Variants in SGSH observed in about 807,000 individuals in gnomAD.
SGSH encodes the protein heparan sulfate sulfatase.
SGSH carries 48 observed loss-of-function variants against 51.0 expected under a neutral mutation model. The observed-to-expected ratio is 0.94, with a 90% CI of 0.75 to 1.20. SGSH has a LOEUF of 1.20. Among genes scored for constraint, SGSH ranks in the 50% most tolerant of loss-of-function variants. The probability of loss-of-function intolerance (pLI) is 0.00; values close to 1 mark genes in which losing one functional copy is unlikely to be tolerated. For synonymous variants in SGSH, 321 were observed against 313.4 expected (o/e 1.02, Z -0.26); for missense variants, 662 against 717.8 (o/e 0.92, Z 0.89).
chr17:80,208,231 C>T (rs2041458167), downstream of SGSH: 2 of 1,571,208 alleles, frequency 1.3e-6, no homozygotes, highest in East Asian at 4.6e-5. Context: ...CCTGTCTATA[C>T]AGCAGCCTGG....
rs959865954 is a variant in SGSH at position 80,209,750 on chromosome 17, C to T, written c.*702G>A. 21 of 985,536 alleles carry T rather than the reference C, an allele frequency of 2.1e-5. No individual in the cohort carries two copies. The highest frequency in any genetic ancestry group is 1.0e-4 in the African/African-American group (6 of 57,208). The allele number at this position is 985,536 out of a possible 1,614,324, so 61.0% of individuals were successfully genotyped here. On this transcript the variant is annotated 3_prime_UTR_variant, in exon 8 of 8. Coordinates refer to ENST00000326317, the MANE Select transcript of SGSH (RefSeq NM_000199.5). Reference sequence around the variant, plus strand: ...ACGGGCATCGCCATGCCTTCATCTTCGGACACTCTCAAAAAAGATAAGCTT... The same window carrying T: ...ACGGGCATCGCCATGCCTTCATCTTTGGACACTCTCAAAAAAGATAAGCTT...
chr17:80,203,859 A>T, downstream of SGSH: 1 of 1,595,698 alleles, frequency 6.3e-7, no homozygotes, highest in Non-Finnish European at 8.5e-7. The surrounding 1 kb of genome is among the most constrained non-coding windows in gnomAD (Gnocchi z 4.6). Context: ...CCAGGACATG[A>T]CTCAGCAGTG....
chr17:80,217,683 T>G (rs2041943649), intron 1 of SGSH, among the ~76,000 whole-genome samples: 1 of 150,792 alleles, frequency 6.6e-6, no homozygotes, highest in Non-Finnish European at 1.5e-5. Context: ...GCTGGACTGA[T>G]AGATGGTGGG....
At chr17:80,211,202 C>T (rs1363142577) in intron 7 of SGSH, 191 bp from the exon 8 acceptor site, 2 of 1,446,244 alleles carry the variant, frequency 1.4e-6, no homozygotes, top group African/African-American at 1.4e-5. Flanking sequence ...AATGGTATAA[C>T]AAGAGGCCCT....
rs371397297 is a variant in SGSH at position 80,210,764 on chromosome 17, G to A, written c.1197C>T (p.Asp399=). 1.9e-5 allele frequency: 31 copies of A among 1,613,946 alleles called. No homozygotes were observed. Among genetic ancestry groups the A allele is most frequent in the Middle Eastern group, 1.6e-4 (1 of 6,084 alleles). ...AGGTGGGTGAGACGTAGAAGTCCTG[G>A]TCGATGGGAAAGGGCATCTTGAAGT... The part of the protein sequence containing the change: ...NLNFKMPFPI[D]QDFYVSPTFQ... Residue 399 remains aspartate, a synonymous_variant, in exon 8 of 8, where the codon GAC becomes GAT. Transcript: ENST00000326317.
chr17:80,214,943 C>G (rs564208553), intron 3 of SGSH, 90 bp downstream of exon 3: 12 of 1,314,044 alleles, frequency 9.1e-6, no homozygotes, highest in Non-Finnish European at 1.3e-5. Context: ...GGGGGCTGAG[C>G]GTGCCTTGGT....
At chr17:80,214,436 C>A in intron 4 of SGSH, 108 bp from the exon 5 acceptor site, 1 of 1,372,842 alleles carries the variant, frequency 7.3e-7, no homozygotes, top group Non-Finnish European at 9.9e-7. Flanking sequence ...ACCTGTGACC[C>A]TCACTGCCTC....
At chr17:80,205,690 G>T, downstream of SGSH, 1 of 1,513,416 alleles carries the variant, frequency 6.6e-7, no homozygotes, top group South Asian at 1.3e-5. Context: ...GAGCTGTCCT[G>T]GGAAGGGTTT....
intron 2 of SGSH, among the ~76,000 whole-genome samples, chr17:80,216,459 G>A (rs1471543627): frequency 6.6e-6 from 1 of 152,192 alleles, no homozygotes; most frequent in Non-Finnish European, 1.5e-5. Flanking sequence ...TTCTGTTTGG[G>A]TAGATGGAAA....
chr17:80,206,169 G>T (rs1255157569), downstream of SGSH, among the ~76,000 whole-genome samples: 1 of 152,214 alleles, frequency 6.6e-6, no homozygotes, highest in Non-Finnish European at 1.5e-5. Context: ...GCCTCATTTA[G>T]AAAGTGGCAA....
In SGSH at chr17:80,209,801, G is replaced by A; in HGVS notation, c.*651C>T. 1 of 987,210 alleles carries A rather than the reference G, an allele frequency of 1.0e-6. No homozygotes were observed. Among genetic ancestry groups the A allele is most frequent in the South Asian group, 4.7e-5 (1 of 21,346 alleles). The allele number at this position is 987,210 out of a possible 1,614,324, so 61.2% of individuals were successfully genotyped here. The stretch of plus-strand genomic sequence containing the variant: ...CTGCCCAGAAACACCACAGGTTCAA[G>A]CTCATCACTCAGGGAGCCTGCTGCC... On this transcript the variant is annotated 3_prime_UTR_variant, in exon 8 of 8. Transcript: ENST00000326317.
chr17:80,205,144 G>A (rs143179499), downstream of SGSH: 138 of 1,613,774 alleles, frequency 8.6e-5, 2 homozygotes, highest in South Asian at 8.8e-4. Flanking sequence ...TGCCCAGGGC[G>A]GTTGGGAAGA....
intron 2 of SGSH, among the ~76,000 whole-genome samples, chr17:80,215,466 G>T (rs1437621444): frequency 6.6e-6 from 1 of 152,248 alleles, no homozygotes; most frequent in Non-Finnish European, 1.5e-5. Context: ...AAAAAGACAG[G>T]GTCAGGCCTT....
Position 80,213,994 on chromosome 17 carries a change from T to G in SGSH, c.664-109A>C. ...ATGGGTTAGCCCAGAACAGCCTCAC[T>G]CCGGACCACCCCGTCTCTCTACGGT... On this transcript the variant is annotated intron_variant, in intron 5 of 7. Coordinates refer to ENST00000326317, the MANE Select transcript of SGSH (RefSeq NM_000199.5). The surrounding 1 kb of genome is among the most constrained non-coding windows in gnomAD (Gnocchi z 4.6). The G allele has an allele frequency of 7.6e-7, 1 of 1,321,838 alleles. No homozygotes were observed. Among genetic ancestry groups the G allele is most frequent in the Non-Finnish European group, 1.1e-6 (1 of 947,716 alleles). The allele number at this position is 1,321,838 out of a possible 1,614,324, so 81.9% of individuals were successfully genotyped here.
At chr17:80,205,252 C>G (rs753197720), downstream of SGSH, 3 of 1,506,742 alleles carry the variant, frequency 2.0e-6, no homozygotes, top group Non-Finnish European at 2.7e-6. Context: ...CCTTCCCTCC[C>G]TCCCTCCTCC....
chr17:80,213,587 C>A lies in SGSH; in HGVS notation c.745+217G>T. Reference sequence around the variant, plus strand: ...GCAACCTCTGGGGCACCCGAAGGCCCCAGCCCAGGAGCAGGTCCACATCAG... The same window carrying A: ...GCAACCTCTGGGGCACCCGAAGGCCACAGCCCAGGAGCAGGTCCACATCAG... On this transcript the variant is annotated intron_variant, in intron 6 of 7. Transcript: ENST00000326317. This position sits in a 1 kb window ranked among gnomAD's most constrained non-coding sequence, Gnocchi z 4.6. 1.7e-6 allele frequency: 1 copy of A among 593,616 alleles called. No individual in the cohort carries two copies. Among genetic ancestry groups the A allele is most frequent in the Non-Finnish European group, 3.0e-6 (1 of 332,366 alleles). The allele number at this position is 593,616 out of a possible 1,614,324, so 36.8% of individuals were successfully genotyped here.
chr17:80,205,287 C>T (rs1456967385), downstream of SGSH: 45 of 1,192,948 alleles, frequency 3.8e-5, no homozygotes, highest in Non-Finnish European at 5.9e-6. Flanking sequence ...TCCTCCCCTT[C>T]CTCCCTCCTC....
downstream of SGSH, chr17:80,208,109 C>T: frequency 6.8e-7 from 1 of 1,479,152 alleles, no homozygotes; most frequent in South Asian, 1.3e-5. Flanking sequence ...CTCCCCTGAG[C>T]CCGCCCCCCC....
At chr17:80,207,004 G>A (rs1359027479), downstream of SGSH, 1 of 1,613,924 alleles carries the variant, frequency 6.2e-7, no homozygotes. Flanking sequence ...CAGCTGGACA[G>A]TGTCTGCACC....
Sources: allele counts gnomAD v4.1 joint callset (sites outside exome capture counted in the v4.1 genomes callset), GRCh38; gene constraint gnomAD v4.1.1; non-coding constraint Gnocchi (gnomAD v3.1); transcripts MANE v1.5; gene names NCBI Gene and HGNC (gene_info 2026-07-23, HGNC 2026-07-21).